Variants in B3GALT1 observed in about 807,000 individuals in gnomAD.
B3GALT1 encodes UDP-Gal:betaGlcNAc beta 1,3-galactosyltransferase, polypeptide 1.
Under a neutral mutation model 23.2 loss-of-function variants are expected in B3GALT1, and 10 were observed. That is an observed-to-expected ratio of 0.43 (90% confidence interval 0.27 to 0.73). The LOEUF (loss-of-function observed/expected upper bound fraction) is 0.73, where lower values mean the gene tolerates loss of function less well. B3GALT1 is among the 30% of genes least tolerant of loss of function. The pLI is 0.21. For synonymous variants in B3GALT1, 156 were observed against 141.5 expected (o/e 1.10, Z -0.73); for missense variants, 299 against 405.4 (o/e 0.74, Z 2.25).
chr2:167,743,594 T>C (rs1211975368), intron 3 of B3GALT1, among the ~76,000 whole-genome samples: 1 of 152,134 alleles, frequency 6.6e-6, no homozygotes, highest in Non-Finnish European at 1.5e-5. Context: ...CACTTTTCTA[T>C]ATTTTAAATC....
intron 3 of B3GALT1, among the ~76,000 whole-genome samples, chr2:167,690,304 C>T (rs1686689377): frequency 6.6e-6 from 1 of 151,614 alleles, no homozygotes. Context: ...AAATGCTAAG[C>T]ATAACTTAAC....
chr2:167,595,796 T>G (rs1195554788), intron 2 of B3GALT1, among the ~76,000 whole-genome samples: 1 of 152,250 alleles, frequency 6.6e-6, no homozygotes, highest in East Asian at 1.9e-4. Flanking sequence ...GTTGTTTCTC[T>G]GTTTTAAAAT....
At chr2:167,365,434 G>T (rs1465185637) in intron 1 of B3GALT1, among the ~76,000 whole-genome samples, 1 of 152,020 alleles carries the variant, frequency 6.6e-6, no homozygotes, top group Admixed American at 6.5e-5. Context: ...AGAGAAATTG[G>T]CTCTAGCATA....
chr2:167,524,261 C>G (rs75023262), intron 2 of B3GALT1, among the ~76,000 whole-genome samples: 1,654 of 152,194 alleles, frequency 0.011, 37 homozygotes, highest in African/African-American at 0.038. Context: ...TAATTTAATA[C>G]CTGGCCTTAT....
chr2:167,750,342 T>C (rs184438635), intron 3 of B3GALT1, among the ~76,000 whole-genome samples: 51 of 152,240 alleles, frequency 3.3e-4, no homozygotes, highest in Admixed American at 5.9e-4. Context: ...AGGAAAACAC[T>C]CACGAAGGAG....
At chr2:167,299,512 T>A (rs1696411766) in intron 1 of B3GALT1, among the ~76,000 whole-genome samples, 1 of 152,156 alleles carries the variant, frequency 6.6e-6, no homozygotes, top group Non-Finnish European at 1.5e-5. Flanking sequence ...GAATTCCAAT[T>A]TTTGAGGAAT....
At chr2:167,622,036 A>G (rs1685269119) in intron 2 of B3GALT1, among the ~76,000 whole-genome samples, 1 of 152,110 alleles carries the variant, frequency 6.6e-6, no homozygotes, top group Non-Finnish European at 1.5e-5. Context: ...ATCAGCAGAG[A>G]CATACATAAA....
chr2:167,602,765 C>G (rs991214972), intron 2 of B3GALT1, among the ~76,000 whole-genome samples: 1 of 152,074 alleles, frequency 6.6e-6, no homozygotes, highest in African/African-American at 2.4e-5. Context: ...CCATAGTAAT[C>G]ATTTGCTCAT....
chr2:167,657,076 C>T (rs1300591312), intron 3 of B3GALT1, among the ~76,000 whole-genome samples: 2 of 152,032 alleles, frequency 1.3e-5, no homozygotes, highest in Non-Finnish European at 2.9e-5. Context: ...AGAGTGGTAT[C>T]ATTCTCTGAG....
chr2:167,371,201 T>TA (rs922311145), intron 1 of B3GALT1, among the ~76,000 whole-genome samples: 1 of 151,990 alleles, frequency 6.6e-6, no homozygotes, highest in African/African-American at 2.4e-5. Flanking sequence ...TTTTTTTTTT[T>TA]ATCACTGCTA....
At chr2:167,350,876 C>T (rs1438924017) in intron 1 of B3GALT1, among the ~76,000 whole-genome samples, 8 of 152,234 alleles carry the variant, frequency 5.3e-5, no homozygotes, top group African/African-American at 9.6e-5. Context: ...TCAAATCATG[C>T]ACTGATCTCT....
At chr2:167,565,933 G>T (rs887676632) in intron 2 of B3GALT1, among the ~76,000 whole-genome samples, 1 of 152,072 alleles carries the variant, frequency 6.6e-6, no homozygotes, top group East Asian at 1.9e-4. Context: ...CATTGTGGAA[G>T]TCAGTGTGGC....
chr2:167,773,154 A>G (rs1688099988), intron 3 of B3GALT1, among the ~76,000 whole-genome samples: 1 of 152,184 alleles, frequency 6.6e-6, no homozygotes, highest in African/African-American at 2.4e-5. Flanking sequence ...TTATTAATCT[A>G]CTTATAAATT....
At chr2:167,377,393 G>A (rs1697781923) in intron 1 of B3GALT1, among the ~76,000 whole-genome samples, 1 of 151,854 alleles carries the variant, frequency 6.6e-6, no homozygotes, top group African/African-American at 2.4e-5. Context: ...TCTTTGTTTT[G>A]TGCCTCAGTA....
intron 1 of B3GALT1, among the ~76,000 whole-genome samples, chr2:167,464,011 C>A (rs1367345784): frequency 2.0e-5 from 3 of 152,130 alleles, no homozygotes; most frequent in Admixed American, 6.6e-5. Context: ...AGAGCTCTGC[C>A]TTACTCAGGT....
intron 1 of B3GALT1, among the ~76,000 whole-genome samples, chr2:167,391,928 C>G (rs1698019326): frequency 6.6e-6 from 1 of 152,074 alleles, no homozygotes; most frequent in Admixed American, 6.5e-5. Flanking sequence ...TTTAATAAGT[C>G]AAAGGTAAAT....
intron 2 of B3GALT1, among the ~76,000 whole-genome samples, chr2:167,561,027 C>G (rs1007328358): frequency 5.3e-5 from 8 of 152,050 alleles, no homozygotes; most frequent in Non-Finnish European, 1.2e-4. Flanking sequence ...CACACCACAC[C>G]TATTCCAAAA....
intron 3 of B3GALT1, among the ~76,000 whole-genome samples, chr2:167,687,440 T>A (rs1686636500): frequency 6.6e-6 from 1 of 152,060 alleles, no homozygotes; most frequent in South Asian, 2.1e-4. Context: ...TAGAAAAAAA[T>A]AAATTATTAT....
intron 3 of B3GALT1, among the ~76,000 whole-genome samples, chr2:167,691,489 C>A (rs1686710197): frequency 6.6e-6 from 1 of 151,954 alleles, no homozygotes; most frequent in South Asian, 2.1e-4. Flanking sequence ...AAATTAATAC[C>A]AACAAACTAA....
Sources: gnomAD v4.1 joint callset for allele counts (sites outside exome capture counted in the v4.1 genomes callset) on GRCh38, gnomAD v4.1.1 for gene constraint, MANE v1.5 for transcripts, NCBI Gene and HGNC (gene_info 2026-07-23, HGNC 2026-07-21) for gene names.